The following AGMO variants were observed in gnomAD, a reference collection of about 807,000 sequenced individuals.
AGMO encodes the protein glyceryl-ether monooxygenase.
AGMO carries 75 observed loss-of-function variants against 60.2 expected under a neutral mutation model. That is an observed-to-expected ratio of 1.25 (90% CI 1.03 to 1.51). The LOEUF is 1.51. Ranked by LOEUF, AGMO falls within the 40% of genes most tolerant of loss-of-function variation. The pLI is 0.00. For missense variants in AGMO, 763 were observed against 525.5 expected (o/e 1.45, Z -4.42); for synonymous variants, 261 against 177.1 (o/e 1.47, Z -3.76).
chr7:15,189,680 T>G, the AGMO span, among the ~76,000 whole-genome samples: 3 of 152,076 alleles, frequency 2.0e-5, no homozygotes, highest in African/African-American at 7.2e-5. Flanking sequence ...AAGTTGTATA[T>G]TGAATTTCAG....
At chr7:15,373,473 GTTAC>G (rs1379585908) in intron 10 of AGMO, among the ~76,000 whole-genome samples, 1 of 152,104 alleles carries the variant, frequency 6.6e-6, no homozygotes, top group Middle Eastern at 3.2e-3. Context: ...TTGACGCCAT[GTTAC>G]TTAATCAATG....
intron 10 of AGMO, among the ~76,000 whole-genome samples, chr7:15,372,440 A>C (rs1783258136): frequency 6.6e-6 from 1 of 152,150 alleles, no homozygotes; most frequent in African/African-American, 2.4e-5. Flanking sequence ...TGTGCGTCAC[A>C]GCGAGACTCT....
At chr7:15,453,196 A>C (rs2128506172) in intron 3 of AGMO, among the ~76,000 whole-genome samples, 1 of 152,296 alleles carries the variant, frequency 6.6e-6, no homozygotes, top group African/African-American at 2.4e-5. Context: ...TGAATGGCAC[A>C]GTTTAAGAAG....
chr7:15,233,551 T>G (rs1200411492), intron 12 of AGMO, among the ~76,000 whole-genome samples: 24 of 134,004 alleles, frequency 1.8e-4, no homozygotes, highest in African/African-American at 1.0e-4. Flanking sequence ...CAGAGAGTTG[T>G]TTTTTTTTTT....
chr7:15,384,877 C>T (rs1313947623), intron 10 of AGMO, among the ~76,000 whole-genome samples: 2 of 98,054 alleles, frequency 2.0e-5, no homozygotes, highest in Non-Finnish European at 4.3e-5. Flanking sequence ...TTTGCTCTTT[C>T]CAAAACCTAG....
the AGMO span, among the ~76,000 whole-genome samples, chr7:15,179,664 C>T: frequency 3.9e-5 from 6 of 152,056 alleles, no homozygotes; most frequent in Admixed American, 1.3e-4. Context: ...AGAGAAAACC[C>T]TACTCTCATG....
At chr7:15,531,406 C>A (rs1218698845) in intron 3 of AGMO, among the ~76,000 whole-genome samples, 1 of 59,504 alleles carries the variant, frequency 1.7e-5, no homozygotes, top group Non-Finnish European at 2.8e-5. Context: ...TATATATATT[C>A]TATATATATT....
At chr7:15,391,053 AG>A (rs1784118274) in intron 6 of AGMO, 148 bp from the exon 7 acceptor site, 1 of 551,214 alleles carries the variant, frequency 1.8e-6, no homozygotes, top group Non-Finnish European at 3.2e-6. Flanking sequence ...TTATAACATC[AG>A]ATTTTATTGT....
intron 10 of AGMO, among the ~76,000 whole-genome samples, chr7:15,376,682 T>C (rs1290406063): frequency 1.3e-5 from 2 of 152,134 alleles, no homozygotes; most frequent in African/African-American, 4.8e-5. Context: ...GCCTTTTCAA[T>C]TTTAGTTTGT....
intron 12 of AGMO, among the ~76,000 whole-genome samples, chr7:15,223,670 T>A (rs886447195): frequency 1.3e-4 from 20 of 151,982 alleles, no homozygotes; most frequent in African/African-American, 4.6e-4. Flanking sequence ...AAGACTCTGC[T>A]ACATGAAGAA....
intron 10 of AGMO, among the ~76,000 whole-genome samples, chr7:15,371,509 G>C (rs906300223): frequency 2.6e-5 from 4 of 152,052 alleles, no homozygotes; most frequent in East Asian, 1.9e-4. Context: ...ACCTGCCTCA[G>C]CCTCCCTAGT....
chr7:15,205,712 T>C (rs1781422475), intron 12 of AGMO, among the ~76,000 whole-genome samples: 1 of 152,130 alleles, frequency 6.6e-6, no homozygotes, highest in African/African-American at 2.4e-5. Context: ...TACTATTTAG[T>C]GAATTATATG....
chr7:15,334,615 T>C (rs149072296), intron 12 of AGMO, among the ~76,000 whole-genome samples: 1 of 152,290 alleles, frequency 6.6e-6, no homozygotes, highest in African/African-American at 2.4e-5. Context: ...AAGGCAGGTG[T>C]ATTTTTATTA....
At chr7:15,226,640 C>G (rs1001746304) in intron 12 of AGMO, among the ~76,000 whole-genome samples, 1 of 151,980 alleles carries the variant, frequency 6.6e-6, no homozygotes, top group African/African-American at 2.4e-5. Flanking sequence ...TGCATAAGAC[C>G]TTTATTATTA....
intron 3 of AGMO, among the ~76,000 whole-genome samples, chr7:15,437,683 C>G (rs10233607): frequency 2.0e-5 from 3 of 151,972 alleles, no homozygotes; most frequent in Admixed American, 2.0e-4. Flanking sequence ...TACAGGCGCC[C>G]GCCACCACGC....
chr7:15,182,491 T>C, the AGMO span, among the ~76,000 whole-genome samples: 799 of 152,254 alleles, frequency 5.2e-3, 37 homozygotes, highest in East Asian at 0.09. Context: ...TCTCAGCTCA[T>C]TGCAACCTCT....
At chr7:15,548,581 A>G (rs1238951527) in intron 2 of AGMO, among the ~76,000 whole-genome samples, 1 of 152,126 alleles carries the variant, frequency 6.6e-6, no homozygotes, top group Admixed American at 6.5e-5. Context: ...GGAAGATGAA[A>G]TGAATGAAAT....
At chr7:15,474,176 T>C (rs1414135008) in intron 3 of AGMO, among the ~76,000 whole-genome samples, 1 of 152,210 alleles carries the variant, frequency 6.6e-6, no homozygotes, top group Non-Finnish European at 1.5e-5. Flanking sequence ...CTATTGACTT[T>C]CTTCACAGAA....
chr7:15,440,916 G>T (rs1236201714), intron 3 of AGMO, among the ~76,000 whole-genome samples: 1 of 152,104 alleles, frequency 6.6e-6, no homozygotes, highest in Admixed American at 6.5e-5. Flanking sequence ...ATTCCCATTT[G>T]TATCCATCAC....
Sources: gnomAD v4.1 joint callset for allele counts (sites outside exome capture counted in the v4.1 genomes callset) on GRCh38, gnomAD v4.1.1 for gene constraint, MANE v1.5 for transcripts, NCBI Gene and HGNC (gene_info 2026-07-23, HGNC 2026-07-21) for gene names.